FRMD6: variants seen among roughly 807,000 people sequenced by gnomAD.
FRMD6 encodes FERM domain-containing protein 6.
FRMD6 carries 37 observed loss-of-function variants against 73.2 expected under a neutral mutation model. That is an observed-to-expected ratio of 0.51 (90% CI 0.39 to 0.66). The LOEUF is 0.66. Among genes scored for constraint, FRMD6 ranks in the 30% least tolerant of loss-of-function variants. The pLI, the probability that FRMD6 is intolerant of heterozygous loss-of-function variation, is 0.00. For missense variants in FRMD6, 714 were observed against 780.5 expected (o/e 0.91, Z 1.02); for synonymous variants, 273 against 282.2 (o/e 0.97, Z 0.33).
At chr14:51,528,652 T>C (rs1025796905) in intron 1 of FRMD6, among the ~76,000 whole-genome samples, 6 of 151,976 alleles carry the variant, frequency 3.9e-5, no homozygotes, top group African/African-American at 1.5e-4. Context: ...GGTAGGCTTG[T>C]GTTTGCTCAA....
At chr14:51,702,620 T>C in intron 5 of FRMD6, 32 bp downstream of exon 5, 1 of 1,556,100 alleles carries the variant, frequency 6.4e-7, no homozygotes, top group Non-Finnish European at 8.8e-7. Context: ...CTAAACGCTT[T>C]TTTTTCCCCC....
At chr14:51,699,530 A>G (rs1445964706) in intron 3 of FRMD6, among the ~76,000 whole-genome samples, 1 of 152,084 alleles carries the variant, frequency 6.6e-6, no homozygotes, top group Non-Finnish European at 1.5e-5. Flanking sequence ...AGATAGTAGT[A>G]TGGCGAAAGA....
At chr14:51,438,500 T>G in the FRMD6 span, among the ~76,000 whole-genome samples, 14 of 152,246 alleles carry the variant, frequency 9.2e-5, no homozygotes, top group Non-Finnish European at 1.6e-4. Flanking sequence ...CTTCCAAGTT[T>G]GACTTGTATA....
upstream of FRMD6, among the ~76,000 whole-genome samples, chr14:51,488,705 C>T (rs994417691): frequency 1.3e-5 from 2 of 152,236 alleles, no homozygotes; most frequent in Non-Finnish European, 2.9e-5. Flanking sequence ...GTAAGAAAGC[C>T]ACATTCTTTC....
the FRMD6 span, among the ~76,000 whole-genome samples, chr14:51,470,641 C>G: frequency 1.3e-5 from 2 of 152,042 alleles, no homozygotes; most frequent in African/African-American, 4.8e-5. Context: ...TTTAATTTTT[C>G]TATTTTTACT....
At chr14:51,671,884 A>G (rs868845007) in intron 1 of FRMD6, among the ~76,000 whole-genome samples, 4 of 152,256 alleles carry the variant, frequency 2.6e-5, no homozygotes, top group African/African-American at 9.6e-5. Flanking sequence ...ACAATGGCCA[A>G]CACTGTGGAA....
intron 1 of FRMD6, among the ~76,000 whole-genome samples, chr14:51,554,010 A>T (rs112621080): frequency 1.3e-5 from 2 of 152,248 alleles, no homozygotes; most frequent in African/African-American, 4.8e-5. Context: ...TGGAGACACG[A>T]ATGATTCTAG....
intron 5 of FRMD6, among the ~76,000 whole-genome samples, chr14:51,704,150 A>G (rs1456230829): frequency 1.3e-5 from 2 of 152,140 alleles, no homozygotes; most frequent in East Asian, 3.9e-4. Flanking sequence ...ATCCCCAAAA[A>G]AAGATTTAAG....
intron 1 of FRMD6, among the ~76,000 whole-genome samples, chr14:51,654,173 A>G (rs1170466029): frequency 2.6e-5 from 4 of 152,164 alleles, no homozygotes; most frequent in Non-Finnish European, 5.9e-5. Context: ...CTGGCTGTAC[A>G]GGAAAACGCC....
intron 1 of FRMD6, among the ~76,000 whole-genome samples, chr14:51,564,602 G>A (rs1209681538): frequency 6.6e-6 from 1 of 152,152 alleles, no homozygotes; most frequent in African/African-American, 2.4e-5. Context: ...ATAATAGGTG[G>A]TTTAAAGGAT....
intron 2 of FRMD6, chr14:51,579,044 T>G (rs1225057921): frequency 6.6e-6 from 1 of 152,152 alleles, no homozygotes; most frequent in Non-Finnish European, 1.5e-5. Context: ...GAGATCTAGG[T>G]GGGGCTGAAG....
chr14:51,626,418 C>G (rs982246632), intron 2 of FRMD6, among the ~76,000 whole-genome samples: 1 of 152,114 alleles, frequency 6.6e-6, no homozygotes, highest in African/African-American at 2.4e-5. Flanking sequence ...AGGGAAAGCA[C>G]GTGGATTTTG....
chr14:51,720,699 A>G (rs1897507478), intron 11 of FRMD6, among the ~76,000 whole-genome samples: 1 of 152,208 alleles, frequency 6.6e-6, no homozygotes, highest in African/African-American at 2.4e-5. Context: ...CCCAGATTAA[A>G]TAAAACAGTG....
the FRMD6 span, among the ~76,000 whole-genome samples, chr14:51,412,822 AGT>A: frequency 1.3e-5 from 2 of 151,942 alleles, no homozygotes; most frequent in Admixed American, 1.3e-4. Flanking sequence ...ACTGCACTCC[AGT>A]CTGGGCGACT....
chr14:51,601,428 A>G (rs1404114921), intron 2 of FRMD6, among the ~76,000 whole-genome samples: 1 of 152,156 alleles, frequency 6.6e-6, no homozygotes, highest in Non-Finnish European at 1.5e-5. Flanking sequence ...CCTTTGCAGG[A>G]AATGCTGTCA....
chr14:51,586,935 A>T (rs988989129), intron 2 of FRMD6, among the ~76,000 whole-genome samples: 1 of 152,016 alleles, frequency 6.6e-6, no homozygotes, highest in Non-Finnish European at 1.5e-5. Flanking sequence ...TTTTTTAGAG[A>T]CAGAGTCTCG....
the FRMD6 span, among the ~76,000 whole-genome samples, chr14:51,445,060 A>G: frequency 6.6e-6 from 1 of 152,312 alleles, no homozygotes; most frequent in African/African-American, 2.4e-5. Flanking sequence ...TGGACCCAGG[A>G]AGAAAGAGAG....
In FRMD6 at chr14:51,545,179, G is replaced by A. The variant is rs187916746; in HGVS notation, c.-209-25169G>A. Among the ~76,000 whole-genome samples the A allele has an allele frequency of 1.1e-3, 163 of 152,146 alleles. 1 individual carries two copies. The Middle Eastern group carries it at 0.017, about 16-fold the overall frequency. On this transcript the variant is annotated intron_variant, in intron 1 of 14. Coordinates refer to the FRMD6 transcript ENST00000356218. The stretch of plus-strand genomic sequence containing the variant: ...ACATTCTGTAGTAGAATAGCTTGGT[G>A]TCTGTTAACCGAAGACATGATACAA...
At chr14:51,579,853 C>G (rs10148390) in intron 2 of FRMD6, among the ~76,000 whole-genome samples, 7,692 of 152,236 alleles carry the variant, frequency 0.051, 414 homozygotes, top group African/African-American at 0.13. Context: ...GACACATGTA[C>G]ACACTCACCA....
Sources: gnomAD v4.1 joint callset for allele counts (sites outside exome capture counted in the v4.1 genomes callset) on GRCh38, gnomAD v4.1.1 for gene constraint, MANE v1.5 for transcripts, NCBI Gene and HGNC (gene_info 2026-07-23, HGNC 2026-07-21) for gene names.